NOC2L: variants seen among roughly 807,000 people sequenced by gnomAD.
NOC2L encodes the protein NOC2 like nucleolar associated transcriptional repressor, also known as nucleolar complex protein 2 homolog.
In NOC2L, 101 loss-of-function variants were observed where a neutral mutation model predicts 94.2. The ratio of observed to expected loss-of-function variants is 1.07; its 90% confidence interval spans 0.91 to 1.26. The LOEUF is 1.26. NOC2L is among the 50% of genes most tolerant of loss of function. NOC2L has a pLI of 0.00. For synonymous variants in NOC2L, 531 were observed against 413.4 expected, an observed-to-expected ratio of 1.28 and a Z score of -3.45; for missense variants, 1,076 against 980.1, an observed-to-expected ratio of 1.10 and a Z score of -1.31.
chr1:952,668 C>G, intron 9 of NOC2L, 68 bp from the exon 10 acceptor site: 3 of 1,478,460 alleles, frequency 2.0e-6, no homozygotes, highest in Non-Finnish European at 2.8e-6. Context: ...CACTCCAGGG[C>G]CCCTGTGAAC....
At chr1:953,705 G>A in intron 8 of NOC2L, 77 bp downstream of exon 8, 2 of 1,112,586 alleles carry the variant, frequency 1.8e-6, no homozygotes, top group Non-Finnish European at 2.7e-6. Context: ...GCCCTGGCCA[G>A]GAGTGGGATG....
rs766636878 is a variant in NOC2L at position 952,559 on chromosome 1, C to A, written c.1044G>T (p.Ser348=). The A allele has an allele frequency of 1.2e-6, 2 of 1,613,906 alleles. No homozygotes were observed. The highest frequency in any genetic ancestry group is 2.2e-5 in the East Asian group (1 of 44,892). The change falls in exon 10 of 19, where the codon TCG becomes TCT. Residue 348 remains serine, a synonymous_variant. Transcript: ENST00000327044. ...ITYVRNCKFT[S]PGALPFISFM... is the part of the protein sequence containing the mutation. Reference sequence around the variant, plus strand: ...AACTGATGAAGGGGAGGGCACCAGGCGAGGTGAACTTGCAGTTCCTCACAT... The same window carrying A: ...AACTGATGAAGGGGAGGGCACCAGGAGAGGTGAACTTGCAGTTCCTCACAT...
intron 8 of NOC2L, 152 bp downstream of exon 8, chr1:953,630 G>A: frequency 1.6e-6 from 1 of 641,586 alleles, no homozygotes; most frequent in Non-Finnish European, 2.7e-6. Context: ...AGGTGGGGGT[G>A]GGGGCCAGGT....
intron 12 of NOC2L, among the ~76,000 whole-genome samples, chr1:950,183 T>A (rs962677385): frequency 6.9e-6 from 1 of 145,552 alleles, no homozygotes; most frequent in East Asian, 2.1e-4. Flanking sequence ...CGTGCATGCA[T>A]GCACCCAAGT....
In NOC2L at chr1:955,993, A is replaced by C; in HGVS notation, c.628T>G (p.Phe210Val). 1.2e-6 allele frequency: 2 copies of C among 1,614,014 alleles called. No homozygotes were observed. Among genetic ancestry groups the C allele is most frequent in the Non-Finnish European group, 1.7e-6 (2 of 1,180,000 alleles). Residue 210 changes from phenylalanine to valine, a missense_variant, in exon 6 of 19, where the codon TTC (phenylalanine) becomes GTC (valine). Physicochemically the swap from Phe to Val is conservative, Grantham distance 50. Around this residue, in one of 3 missense-constraint regions of NOC2L, gnomAD observed 457 missense variants for 386.0 expected, o/e 1.18. Transcript: ENST00000327044. ...DSAAFNALVT[F>V]CIRDLIGCLQ... ...CAGCCAATGAGGTCTCTGATGCAGAAGGTAACCAGAGCATTGAATGCTGCA... is the reference window on the plus strand; with the variant it reads ...CAGCCAATGAGGTCTCTGATGCAGACGGTAACCAGAGCATTGAATGCTGCA...
intron 2 of NOC2L, chr1:958,643 T>C: frequency 1.6e-6 from 1 of 634,776 alleles, no homozygotes; most frequent in Non-Finnish European, 2.9e-6. Flanking sequence ...ATCTCTCTTC[T>C]ACCGAACTGC....
At position 957,153 on chromosome 1, in the gene NOC2L, C is replaced by T. The variant is rs574900813; in HGVS notation, c.300G>A (p.Ser100=). The T allele has an allele frequency of 3.2e-5, 52 of 1,614,078 alleles. No individual in the cohort carries two copies. In the African/African-American group the frequency reaches 3.5e-4, roughly 11 times the overall value. The change falls in exon 3 of 19, where the codon TCG becomes TCA. Residue 100 remains serine, a synonymous_variant. Transcript: ENST00000327044. ...GCCCCTCTTCCTCCTCAGAGCTGTC[C>T]GAGTCGCTGAAGTTTAGCAGGCTCT... ...NDQSLLNFSD[S]DSSEEEEGPF...
chr1:957,285 G>A lies in NOC2L; in HGVS notation c.180-12C>T, dbSNP rs1642436258. The A allele has an allele frequency of 1.2e-6, 2 of 1,612,666 alleles. No homozygotes were observed. Among genetic ancestry groups the A allele is most frequent in the African/African-American group, 1.3e-5 (1 of 75,054 alleles). ...GGCCTTTACGCCGGCTGAGGAGGCA[G>A]AAGTCAGCGACCCCAGTGGGAAGTG... On this transcript the variant is annotated splice_polypyrimidine_tract_variant and intron_variant, in intron 2 of 18. Coordinates refer to ENST00000327044, the MANE Select transcript of NOC2L (RefSeq NM_015658.4).
chr1:945,437 C>G, intron 17 of NOC2L, 81 bp downstream of exon 17: 1 of 1,533,104 alleles, frequency 6.5e-7, no homozygotes, highest in Non-Finnish European at 8.9e-7. Context: ...AGGATGGGTA[C>G]AGGTGGCCCT....
Position 952,423 on chromosome 1 carries a change from T to C in NOC2L, c.1180A>G (p.Thr394Ala). The C allele has an allele frequency of 6.2e-7, 1 of 1,613,166 alleles. No homozygotes were observed. Among genetic ancestry groups the C allele is most frequent in the Non-Finnish European group, 8.5e-7 (1 of 1,179,736 alleles). Reference protein sequence around the residue: ...LAIHLRNAMTTRKKETYQSVY... With the variant: ...LAIHLRNAMTARKKETYQSVY... ...GCCCCACCACACACCTTCTTGCGAGTGGTCATGGCGTTGCGCAGGTGTATG... is the reference window on the plus strand; with the variant it reads ...GCCCCACCACACACCTTCTTGCGAGCGGTCATGGCGTTGCGCAGGTGTATG... The change falls in exon 10 of 19, where the codon ACT becomes GCT. Residue 394 changes from threonine (T) to alanine (A), a missense_variant. Transcript: ENST00000327044.
rs772630272 is a variant in NOC2L, at chr1:944,660, C to G, written c.*34G>C. On this transcript the variant is annotated 3_prime_UTR_variant, in exon 19 of 19. Transcript: ENST00000327044. Reference sequence around the variant, plus strand: ...GAGGTGGAAACACTGGCCACCAGCCCGGCAGCCCCTACAGGCCCCCCAGAT... The same window carrying G: ...GAGGTGGAAACACTGGCCACCAGCCGGGCAGCCCCTACAGGCCCCCCAGAT... 3.7e-6 allele frequency: 5 copies of G among 1,362,372 alleles called. 1 individual carries two copies. In the South Asian group the frequency reaches 6.0e-5, roughly 16 times the overall value. 84.4% of individuals were successfully genotyped at this position (1,362,372 alleles called of 1,614,324 possible).
At chr1:953,968 A>G (rs200006513) in intron 7 of NOC2L, 36 bp downstream of exon 7, 2 of 1,604,726 alleles carry the variant, frequency 1.2e-6, no homozygotes, top group Admixed American at 3.4e-5. Context: ...CACCAGATAC[A>G]GCCAGGCCCC....
Position 944,752 on chromosome 1 carries a change from TGCTGCAGCTCCCCAGGGGCCAGCC to T in NOC2L, c.2168_2191del (p.Gly723_Gln731delinsGlu). The T allele has an allele frequency of 6.2e-7, 1 of 1,600,528 alleles. No individual in the cohort carries two copies. The highest frequency in any genetic ancestry group is 8.5e-7 in the Non-Finnish European group (1 of 1,178,162). The stretch of plus-strand genomic sequence containing the variant: ...CTCGTCCTCCGGCCCCTGGGCCAGC[TGCTGCAGCTCCCCAGGGGCCAGCC>T]CCGCCTCTGCGTCTGGGTCTCCATC... On this transcript the variant is annotated inframe_deletion, in exon 19 of 19. Coordinates refer to ENST00000327044, the MANE Select transcript of NOC2L (RefSeq NM_015658.4).
At position 951,989 on chromosome 1, in the gene NOC2L, C is replaced by T. The variant is rs1432762017; in HGVS notation, c.1331+11G>A. 1 of 1,610,002 alleles carries T rather than the reference C, an allele frequency of 6.2e-7. No individual in the cohort carries two copies. The highest frequency in any genetic ancestry group is 8.5e-7 in the Non-Finnish European group (1 of 1,178,238). On this transcript the variant is annotated intron_variant, in intron 11 of 18. Coordinates refer to ENST00000327044, the MANE Select transcript of NOC2L (RefSeq NM_015658.4). Reference sequence around the variant, plus strand: ...ACCCTCCCGCACAACCCTGCCCACCCCACAACTCACTTGATACAGCCAATG... The same window carrying T: ...ACCCTCCCGCACAACCCTGCCCACCTCACAACTCACTTGATACAGCCAATG...
chr1:945,138 T>G lies in NOC2L; in HGVS notation c.2062A>C (p.Arg688=), dbSNP rs1368236413. Residue 688 remains arginine, a synonymous_variant, in exon 18 of 19, where the codon AGG becomes CGG. Transcript: ENST00000327044. ...ACCCCATGCCGAGTGCTCAGGGGCCTCAGTATCCCTGAGGAACAAGAAGCA... is the reference window on the plus strand; with the variant it reads ...ACCCCATGCCGAGTGCTCAGGGGCCGCAGTATCCCTGAGGAACAAGAAGCA... ...TEGFSERGIL[R]PLSTRHGVED... is the part of the protein sequence containing the mutation. 1 of 1,606,438 alleles carries G rather than the reference T, an allele frequency of 6.2e-7. No homozygotes were observed. Among genetic ancestry groups the G allele is most frequent in the Non-Finnish European group, 8.5e-7 (1 of 1,176,294 alleles).
At chr1:959,145 A>G (rs1642507703) in intron 1 of NOC2L, 64 bp from the exon 2 acceptor site, 14 of 1,611,938 alleles carry the variant, frequency 8.7e-6, no homozygotes, top group East Asian at 2.2e-5. Context: ...CGCTGAGAGG[A>G]GCAAGAAAAG....
In NOC2L at chr1:953,507, G is replaced by C. The variant is rs556547294; in HGVS notation, c.889-219C>G. Among the ~76,000 whole-genome samples, 68 of 152,362 alleles carry C rather than the reference G, an allele frequency of 4.5e-4. No homozygotes were observed. The Middle Eastern group carries it at 0.01, about 23-fold the overall frequency. ...AGGACCACAAAAGTTTACCACGTCA[G>C]ACACGCCGACGTATGTGAGATCACA... On this transcript the variant is annotated intron_variant, in intron 8 of 18. Coordinates refer to ENST00000327044, the MANE Select transcript of NOC2L (RefSeq NM_015658.4).
intron 11 of NOC2L, 132 bp from the exon 12 acceptor site, chr1:951,370 C>T (rs183142534): frequency 3.4e-5 from 24 of 697,784 alleles, no homozygotes; most frequent in African/African-American, 7.1e-5. Flanking sequence ...CGTCTGAACC[C>T]CAGGGACCTG....
chr1:945,379 AAC>A (rs1642075829), intron 17 of NOC2L, 137 bp downstream of exon 17: 41 of 1,115,164 alleles, frequency 3.7e-5, no homozygotes, highest in Non-Finnish European at 5.0e-5. Context: ...GAAGCCTGGC[AAC>A]ACTGAGGTTG....
Sources: allele counts gnomAD v4.1 joint callset (sites outside exome capture counted in the v4.1 genomes callset), GRCh38; gene constraint gnomAD v4.1.1; regional missense constraint gnomAD v4.1.1; transcripts MANE v1.5; gene names NCBI Gene and HGNC (gene_info 2026-07-23, HGNC 2026-07-21).